The following CREB5 variants were observed in gnomAD, a reference collection of about 807,000 sequenced individuals.
CREB5 encodes cyclic AMP-responsive element-binding protein 5.
A neutral mutation model predicts 57.1 loss-of-function variants in CREB5; 19 were observed. That is an observed-to-expected ratio of 0.33 (90% CI 0.23 to 0.49). The LOEUF (loss-of-function observed/expected upper bound fraction) is 0.49, where lower values mean the gene tolerates loss of function less well. CREB5 is among the 20% of genes least tolerant of loss of function. The pLI is 0.99. For missense variants in CREB5, 579 were observed against 671.6 expected (o/e 0.86, Z 1.52); for synonymous variants, 238 against 238.3 (o/e 1.00, Z 0.01).
At chr7:28,713,250 A>G (rs772863784) in intron 5 of CREB5, among the ~76,000 whole-genome samples, 2 of 152,140 alleles carry the variant, frequency 1.3e-5, no homozygotes, top group Non-Finnish European at 1.5e-5. Context: ...CATGTTGCTC[A>G]GGGTGGTTTC....
At chr7:28,560,875 C>CGTGCGTGTGTGCGCGT (rs1554344357) in intron 4 of CREB5, among the ~76,000 whole-genome samples, 1 of 19,220 alleles carries the variant, frequency 5.2e-5, no homozygotes, top group Non-Finnish European at 9.9e-5. Flanking sequence ...CCTGCGTGCG[C>CGTGCGTGTGTGCGCGT]GTGCGTGCGT....
chr7:28,630,894 G>A (rs1209210663), intron 5 of CREB5, among the ~76,000 whole-genome samples: 2 of 152,190 alleles, frequency 1.3e-5, no homozygotes, highest in South Asian at 2.1e-4. Flanking sequence ...TCCAGGCAGA[G>A]TATGTATGGT....
At chr7:28,344,045 GA>G (rs1329754752) in intron 1 of CREB5, among the ~76,000 whole-genome samples, 7 of 148,066 alleles carry the variant, frequency 4.7e-5, no homozygotes, top group African/African-American at 1.7e-4. Context: ...TGTTTTAATT[GA>G]TTTTTTTTTT....
intron 7 of CREB5, among the ~76,000 whole-genome samples, chr7:28,769,275 G>T (rs1197245091): frequency 6.6e-6 from 1 of 152,118 alleles, no homozygotes; most frequent in Non-Finnish European, 1.5e-5. Context: ...CTAGTGTTCT[G>T]TGGCACTACA....
At chr7:28,528,709 A>G (rs1324334142) in intron 4 of CREB5, among the ~76,000 whole-genome samples, 22 of 122,444 alleles carry the variant, frequency 1.8e-4, no homozygotes, top group East Asian at 5.1e-4. Flanking sequence ...CATCTCAAAA[A>G]AAAAAAAAAA....
At chr7:28,657,303 A>G (rs761388591) in intron 5 of CREB5, among the ~76,000 whole-genome samples, 1 of 152,222 alleles carries the variant, frequency 6.6e-6, no homozygotes, top group Non-Finnish European at 1.5e-5. Context: ...GAAGGAATTC[A>G]GGGACCAAGC....
At chr7:28,480,393 G>A (rs956072968) in intron 1 of CREB5, among the ~76,000 whole-genome samples, 2 of 152,174 alleles carry the variant, frequency 1.3e-5, no homozygotes, top group African/African-American at 4.8e-5. Context: ...TCTCTCAGGA[G>A]TTCATGGGGG....
intron 5 of CREB5, among the ~76,000 whole-genome samples, chr7:28,681,423 G>A (rs372289548): frequency 6.6e-6 from 1 of 152,056 alleles, no homozygotes; most frequent in African/African-American, 2.4e-5. Flanking sequence ...AGCCTGGAGT[G>A]CAGTGGTGCG....
At chr7:28,464,383 C>G (rs1007082067) in intron 1 of CREB5, among the ~76,000 whole-genome samples, 1 of 151,824 alleles carries the variant, frequency 6.6e-6, no homozygotes, top group Non-Finnish European at 1.5e-5. Context: ...ATTGTCTCTC[C>G]TTTTTATTCT....
intron 4 of CREB5, among the ~76,000 whole-genome samples, chr7:28,517,389 C>T (rs1160077581): frequency 6.6e-6 from 1 of 152,182 alleles, no homozygotes. Context: ...GAGGCCAGAA[C>T]TGGGATTCCG....
upstream of CREB5, chr7:28,410,299 G>A (rs535794867): frequency 7.0e-5 from 32 of 456,606 alleles, no homozygotes; most frequent in African/African-American, 3.6e-4. Context: ...TGCTGGCATC[G>A]TTACCTCTTC....
intron 1 of CREB5, among the ~76,000 whole-genome samples, chr7:28,448,215 T>C (rs967479485): frequency 6.6e-6 from 1 of 152,222 alleles, no homozygotes; most frequent in Non-Finnish European, 1.5e-5. Context: ...TCCAAGTTCT[T>C]CACTTTTGGG....
rs547008105 is a variant in CREB5, at chr7:28,419,576, T to C, written c.3+6659T>C. Among the ~76,000 whole-genome samples the C allele has an allele frequency of 6.3e-4, 96 of 152,326 alleles. 1 individual carries two copies. The South Asian group carries it at 0.014, about 22-fold the overall frequency. ...CAATTTTAATATTCATACATATACA[T>C]GCTTATGGTGTTTATGCTTATATGA... On this transcript the variant is annotated intron_variant, in intron 1 of 10. Coordinates refer to ENST00000357727, the MANE Select transcript of CREB5 (RefSeq NM_182898.4).
At chr7:28,568,274 T>A (rs185918518) in intron 4 of CREB5, among the ~76,000 whole-genome samples, 11 of 152,338 alleles carry the variant, frequency 7.2e-5, no homozygotes, top group African/African-American at 2.6e-4. Flanking sequence ...AAAATTAAAT[T>A]GTACAGCATC....
chr7:28,500,528 G>T (rs1203448044), intron 3 of CREB5, among the ~76,000 whole-genome samples: 1 of 152,190 alleles, frequency 6.6e-6, no homozygotes, highest in African/African-American at 2.4e-5. Context: ...GAACCCAACT[G>T]TGTCCCTGGA....
chr7:28,447,279 T>C (rs541738578), intron 1 of CREB5, among the ~76,000 whole-genome samples: 2 of 152,354 alleles, frequency 1.3e-5, no homozygotes, highest in African/African-American at 4.8e-5. Context: ...TAAGCTTTCT[T>C]TAAATAGTCT....
chr7:28,768,602 A>G (rs1314733773), intron 7 of CREB5, among the ~76,000 whole-genome samples: 1 of 152,156 alleles, frequency 6.6e-6, no homozygotes, highest in Admixed American at 6.5e-5. Flanking sequence ...TAAAATGGCA[A>G]CCTTTTGAAG....
Position 28,804,470 on chromosome 7 carries a change from C to T in CREB5, c.974C>T (p.Ala325Val). The change falls in exon 8 of 11, where the codon GCA becomes GTA. Residue 325 changes from alanine (A) to valine (V), a missense_variant. Ala to Val is a moderately conservative substitution (Grantham distance 64). Around this residue, in one of 3 missense-constraint regions of CREB5, gnomAD observed 459 missense variants for 515.7 expected, o/e 0.89. Transcript: ENST00000357727. ...HSHSHLHAHP[A>V]HHQTSPHPPL... ...CATTCCCACCTTCATGCACACCCAG[C>T]ACATCACCAGACCTCGCCACATCCG... 6.2e-7 allele frequency: 1 copy of T among 1,614,160 alleles called. No individual in the cohort carries two copies. The highest frequency in any genetic ancestry group is 8.5e-7 in the Non-Finnish European group (1 of 1,180,010).
rs564659519 is a variant in CREB5, at chr7:28,377,411, C to T, written c.-25+77970C>T. On this transcript the variant is annotated intron_variant, in intron 1 of 9. Transcript: ENST00000396299. The stretch of plus-strand genomic sequence containing the variant: ...AATATATTATTAAAATTAATTTCAT[C>T]TGTTTGTTTTTACTTTTCAATATAG... 7.3e-5 allele frequency among the ~76,000 whole-genome samples: 11 copies of T among 151,708 alleles called. 1 individual carries two copies. The highest frequency in any genetic ancestry group is 1.5e-4 in the Non-Finnish European group (10 of 67,886).
Sources: allele counts gnomAD v4.1 joint callset (sites outside exome capture counted in the v4.1 genomes callset), GRCh38; gene constraint gnomAD v4.1.1; regional missense constraint gnomAD v4.1.1; transcripts MANE v1.5; gene names NCBI Gene and HGNC (gene_info 2026-07-23, HGNC 2026-07-21).